The following HPCAL4 variants were observed in gnomAD, a reference collection of about 807,000 sequenced individuals.
HPCAL4 encodes hippocalcin-like protein 4.
In HPCAL4, 16 loss-of-function variants were observed where a neutral mutation model predicts 18.2. The ratio of observed to expected loss-of-function variants is 0.88; its 90% CI spans 0.59 to 1.33. The LOEUF (loss-of-function observed/expected upper bound fraction) is 1.33. Ranked by LOEUF, HPCAL4 falls within the 40% of genes most tolerant of loss-of-function variation. HPCAL4 has a pLI of 0.00. For synonymous variants in HPCAL4, 80 were observed against 97.5 expected (o/e 0.82, Z 1.06); for missense variants, 214 against 256.6 (o/e 0.83, Z 1.14).
chr1:39,680,618 G>T lies in HPCAL4; in HGVS notation c.*1918C>A, dbSNP rs1646616671. 6.6e-6 allele frequency: 1 copy of T among 152,184 alleles called. No individual in the cohort carries two copies. Among genetic ancestry groups the T allele is most frequent in the African/African-American group, 2.4e-5 (1 of 41,436 alleles). The allele number at this position is 152,184 out of a possible 1,614,324, so 9.4% of individuals were successfully genotyped here. ...ATGCAACATCCTTGAGGCATTGCTG[G>T]ATAAACAACTGCTAGTTCCTGCCTG... On this transcript the variant is annotated 3_prime_UTR_variant, in exon 4 of 4. Coordinates refer to ENST00000372844, the MANE Select transcript of HPCAL4 (RefSeq NM_016257.4).
intron 1 of HPCAL4, among the ~76,000 whole-genome samples, chr1:39,690,629 C>G (rs1011995800): frequency 6.6e-6 from 1 of 151,982 alleles, no homozygotes; most frequent in African/African-American, 2.4e-5. Context: ...TTCATCCTCC[C>G]GCCAGGATGA....
Position 39,682,458 on chromosome 1 carries a change from G to A in HPCAL4, c.*78C>T, listed in dbSNP as rs1222176208. ...GGGGGCTGGAGTGTCCCTCCTCCTG[G>A]GAGGCCAGCCAGAGAGGTCATCAGG... On this transcript the variant is annotated 3_prime_UTR_variant, in exon 4 of 4. Coordinates refer to ENST00000372844, the MANE Select transcript of HPCAL4 (RefSeq NM_016257.4). The A allele has an allele frequency of 4.9e-6, 7 of 1,428,154 alleles. No homozygotes were observed. In the African/African-American group the frequency reaches 7.0e-5, roughly 14 times the overall value. 88.5% of individuals were successfully genotyped at this position (1,428,154 alleles called of 1,614,324 possible).
At chr1:39,685,835 G>A (rs1291228259) in intron 1 of HPCAL4, among the ~76,000 whole-genome samples, 5 of 147,360 alleles carry the variant, frequency 3.4e-5, no homozygotes, top group Admixed American at 2.1e-4. Flanking sequence ...AGCTGAGATC[G>A]CGCCACTGCA....
chr1:39,686,504 A>C (rs1646676705), intron 1 of HPCAL4, among the ~76,000 whole-genome samples: 1 of 152,186 alleles, frequency 6.6e-6, no homozygotes, highest in Non-Finnish European at 1.5e-5. Context: ...GGATGGGCTG[A>C]GACGTTAAGA....
At chr1:39,690,695 C>T (rs1646711147) in intron 1 of HPCAL4, among the ~76,000 whole-genome samples, 1 of 151,404 alleles carries the variant, frequency 6.6e-6, no homozygotes, top group East Asian at 2.0e-4. Flanking sequence ...GGAGGGCTGT[C>T]GAGACTGTGA....
intron 1 of HPCAL4, among the ~76,000 whole-genome samples, chr1:39,686,130 G>A (rs1238725182): frequency 1.1e-4 from 16 of 148,492 alleles, no homozygotes; most frequent in Admixed American, 7.4e-4. Context: ...GCGGTGAGCC[G>A]AGATCGCTCC....
chr1:39,688,289 C>T (rs779451815), intron 1 of HPCAL4, among the ~76,000 whole-genome samples: 4 of 152,206 alleles, frequency 2.6e-5, no homozygotes, highest in Admixed American at 6.5e-5. Flanking sequence ...CAGCCAGACT[C>T]GCTCCCAACC....
intron 1 of HPCAL4, among the ~76,000 whole-genome samples, chr1:39,686,458 G>A (rs531702329): frequency 1.3e-4 from 20 of 152,350 alleles, no homozygotes; most frequent in African/African-American, 4.8e-4. Flanking sequence ...TCAGGTGAGA[G>A]ACAATGCTGC....
chr1:39,685,706 T>C (rs139472787), intron 1 of HPCAL4, among the ~76,000 whole-genome samples: 8,821 of 148,076 alleles, frequency 0.06, 291 homozygotes, highest in Middle Eastern at 0.11. Context: ...GGTGAAACCC[T>C]GTCTCTACTA....
intron 1 of HPCAL4, among the ~76,000 whole-genome samples, chr1:39,685,837 G>A (rs28450145): frequency 0.11 from 16,181 of 145,666 alleles, 964 homozygotes; most frequent in South Asian, 0.2. Context: ...CTGAGATCGC[G>A]CCACTGCACT....
intron 1 of HPCAL4, among the ~76,000 whole-genome samples, chr1:39,688,085 C>T (rs1646690570): frequency 6.6e-6 from 1 of 152,156 alleles, no homozygotes; most frequent in Admixed American, 6.5e-5. Flanking sequence ...GTGCTACCTG[C>T]CTGGGCCACC....
chr1:39,689,959 A>T (rs1417043460), intron 1 of HPCAL4, among the ~76,000 whole-genome samples: 2 of 152,172 alleles, frequency 1.3e-5, no homozygotes, highest in East Asian at 3.9e-4. Context: ...GAGGCAGGGG[A>T]TGACAAACAA....
chr1:39,685,340 G>C (rs891081377), intron 1 of HPCAL4, among the ~76,000 whole-genome samples: 8 of 152,188 alleles, frequency 5.3e-5, no homozygotes, highest in African/African-American at 1.9e-4. Flanking sequence ...TTAAAACAAG[G>C]GCTGGGAAGA....
At position 39,681,031 on chromosome 1, in the gene HPCAL4, A is replaced by T. The variant is rs1367864102; in HGVS notation, c.*1505T>A. On this transcript the variant is annotated 3_prime_UTR_variant, in exon 4 of 4. Transcript: ENST00000372844. ...TCAACTGTCACTGCACGTCAAAGGTAATTTCTGATCACAAGTACAGGAGAA... is the reference window on the plus strand; with the variant it reads ...TCAACTGTCACTGCACGTCAAAGGTTATTTCTGATCACAAGTACAGGAGAA... The T allele has an allele frequency of 6.5e-6, 1 of 152,678 alleles. No homozygotes were observed. The highest frequency in any genetic ancestry group is 2.4e-5 in the African/African-American group (1 of 41,462). The allele number at this position is 152,678 out of a possible 1,614,324, so 9.5% of individuals were successfully genotyped here.
intron 1 of HPCAL4, 81 bp from the exon 2 acceptor site, chr1:39,684,692 A>C: frequency 1.6e-6 from 2 of 1,275,822 alleles, no homozygotes; most frequent in Non-Finnish European, 2.1e-6. Context: ...CCTGCCACAC[A>C]CAGGGCGGGG....
At chr1:39,686,032 T>A (rs1260931312) in intron 1 of HPCAL4, among the ~76,000 whole-genome samples, 3 of 150,184 alleles carry the variant, frequency 2.0e-5, no homozygotes, top group Non-Finnish European at 4.4e-5. Context: ...ATACAAAAAA[T>A]TAGCCAGGCA....
Position 39,682,117 on chromosome 1 carries a change from G to A in HPCAL4, c.*419C>T, listed in dbSNP as rs923030461. 1.3e-4 allele frequency: 26 copies of A among 202,642 alleles called. No homozygotes were observed. The highest frequency in any genetic ancestry group is 1.2e-3 in the Admixed American group (23 of 18,818). The allele number at this position is 202,642 out of a possible 1,614,324, so 12.6% of individuals were successfully genotyped here. A position where few individuals can be genotyped will look rare whatever the true frequency, so the allele number is the denominator to read the frequency against. ...GGGATGGGGAAGAGACCCCCTTTAT[G>A]GGATCTGGAGCCTCAGGAATGGACA... On this transcript the variant is annotated 3_prime_UTR_variant, in exon 4 of 4. Transcript: ENST00000372844.
At chr1:39,685,977 C>G (rs1218121892) in intron 1 of HPCAL4, among the ~76,000 whole-genome samples, 1 of 151,360 alleles carries the variant, frequency 6.6e-6, no homozygotes, top group Non-Finnish European at 1.5e-5. Flanking sequence ...GTCAGGAGAT[C>G]AAGACCATCC....
intron 1 of HPCAL4, among the ~76,000 whole-genome samples, chr1:39,685,630 A>T (rs1330675055): frequency 6.6e-6 from 1 of 152,206 alleles, no homozygotes; most frequent in East Asian, 1.9e-4. Context: ...CTGTAATCCC[A>T]GCACTTTGGG....
Sources: allele counts gnomAD v4.1 joint callset (sites outside exome capture counted in the v4.1 genomes callset), GRCh38; gene constraint gnomAD v4.1.1; transcripts MANE v1.5; gene names NCBI Gene and HGNC (gene_info 2026-07-23, HGNC 2026-07-21).